PKD1: variants seen among roughly 807,000 people sequenced by gnomAD.
PKD1 encodes the protein polycystin-1.
In PKD1, 81 loss-of-function variants were observed where a neutral mutation model predicts 361.7. The observed-to-expected ratio is 0.22, with a 90% CI of 0.19 to 0.27. The LOEUF (loss-of-function observed/expected upper bound fraction) is 0.27. Among genes scored for constraint, PKD1 ranks in the 10% least tolerant of loss-of-function variants. PKD1 has a pLI of 1.00. For synonymous variants in PKD1, 3,615 were observed against 2,818.3 expected, an observed-to-expected ratio of 1.28 and a Z score of -8.95; for missense variants, 6,399 against 6,118.3, an observed-to-expected ratio of 1.05 and a Z score of -1.53.
Position 2,092,166 on chromosome 16 carries a change from G to A in PKD1, c.11292C>T (p.Gly3764=), listed in dbSNP as rs553713361. ...CGGCCGAGCACGTGTGGACCCTGGG[G>A]CCGGGAGGGTCTGGGTAGAGTGCTG... ...LQEALYPDPP[G]PRVHTCSAAG... The change falls in exon 40 of 46, where the codon GGC becomes GGT. Residue 3764 remains glycine (G), a synonymous_variant. Coordinates refer to ENST00000262304, the MANE Select transcript of PKD1 (RefSeq NM_001009944.3). 2.5e-6 allele frequency: 4 copies of A among 1,609,820 alleles called. No homozygotes were observed. Among genetic ancestry groups the A allele is most frequent in the African/African-American group, 1.3e-5 (1 of 74,910 alleles).
At chr16:2,091,689 C>A in intron 41 of PKD1, 92 bp from the exon 42 acceptor site, 1 of 1,566,220 alleles carries the variant, frequency 6.4e-7, no homozygotes, top group Non-Finnish European at 8.6e-7. Context: ...GCTGTGGAAG[C>A]CGCCTAGGCC....
In PKD1 at chr16:2,123,204, C is replaced by A. The variant is rs1188831844; in HGVS notation, c.216-3826G>T. 3.3e-5 allele frequency among the ~76,000 whole-genome samples: 5 copies of A among 152,310 alleles called. No individual in the cohort carries two copies. The East Asian group carries it at 9.7e-4, about 29-fold the overall frequency. ...GCTCCAGGCTGGCTCCTTCTCCCGGCCCTCACCCCAGCCCAAGGCCCAGAA... is the reference window on the plus strand; with the variant it reads ...GCTCCAGGCTGGCTCCTTCTCCCGGACCTCACCCCAGCCCAAGGCCCAGAA... On this transcript the variant is annotated intron_variant, in intron 1 of 45. Transcript: ENST00000262304.
Position 2,090,502 on chromosome 16 carries a change from G to C in PKD1, c.12227C>G (p.Pro4076Arg), listed in dbSNP as rs962084505. 6.2e-7 allele frequency: 1 copy of C among 1,611,482 alleles called. No individual in the cohort carries two copies. The highest frequency in any genetic ancestry group is 8.5e-7 in the Non-Finnish European group (1 of 1,179,538). Residue 4076 changes from proline (P) to arginine (R), a missense_variant, in exon 45 of 46, where the codon CCT (proline) becomes CGT (arginine). Physicochemically the swap from Pro to Arg is moderately radical, Grantham distance 103. Coordinates refer to ENST00000262304, the MANE Select transcript of PKD1 (RefSeq NM_001009944.3). ...GGGTGACAGGTGCCAGGACTCGGCA[G>C]GACACAGGGTAGAGAGCCCAGTCCC... ...CPGTGLSTLC[P>R]AESWHLSPLL...
In PKD1 at chr16:2,092,224, C is replaced by T. The variant is rs755967120; in HGVS notation, c.11270-36G>A. On this transcript the variant is annotated intron_variant, in intron 39 of 45. Transcript: ENST00000262304. The stretch of plus-strand genomic sequence containing the variant: ...CAGAGCCCCAGGCCGGGGCCAGGGC[C>T]TCATCAAAACCCAACAGGAGTGTTT... 1.4e-5 allele frequency: 21 copies of T among 1,551,658 alleles called. No homozygotes were observed. In the African/African-American group the frequency reaches 2.3e-4, roughly 17 times the overall value.
Position 2,117,547 on chromosome 16 carries a change from C to T in PKD1, c.1327G>A (p.Ala443Thr), listed in dbSNP as rs3893752. The T allele has an allele frequency of 4.4e-6, 7 of 1,599,006 alleles. No individual in the cohort carries two copies. The highest frequency in any genetic ancestry group is 1.3e-5 in the African/African-American group (1 of 74,582). ...QEQCQAWAGAALAMVDSPAVQ... is the reference protein window; with the variant it reads ...QEQCQAWAGATLAMVDSPAVQ... Reference sequence around the variant, plus strand: ...GCGGGACTGTCCACCATTGCCAGGGCGGCCCCGGCCCAGGCCTGACACTGC... The same window carrying T: ...GCGGGACTGTCCACCATTGCCAGGGTGGCCCCGGCCCAGGCCTGACACTGC... The change falls in exon 6 of 46, where the codon GCC becomes ACC. Residue 443 changes from alanine to threonine, a missense_variant. By Grantham distance (58) the Ala-to-Thr change is moderately conservative. Coordinates refer to ENST00000262304, the MANE Select transcript of PKD1 (RefSeq NM_001009944.3).
At chr16:2,099,283 G>A (rs1157447939) in intron 30 of PKD1, 1 of 364,182 alleles carries the variant, frequency 2.7e-6, no homozygotes, top group South Asian at 2.1e-5. Flanking sequence ...ACGTTTCTAA[G>A]GGACTAACTC....
rs774553953 is a variant in PKD1 at position 2,110,853 on chromosome 16, T to C, written c.4314A>G (p.Pro1438=). The C allele has an allele frequency of 3.7e-6, 6 of 1,611,706 alleles. No homozygotes were observed. The Admixed American group carries it at 8.3e-5, about 22-fold the overall frequency. The stretch of plus-strand genomic sequence containing the variant: ...CGGTGACTGTCACAAGATAGGAGCC[T>C]GGGTCTCGGTAGATGAACGTCACCT... ...GPEVTFIYRD[P]GSYLVTVTAS... is the part of the protein sequence containing the mutation. Residue 1438 remains proline (P), a synonymous_variant, in exon 15 of 46, where the codon CCA becomes CCG. Coordinates refer to ENST00000262304, the MANE Select transcript of PKD1 (RefSeq NM_001009944.3).
intron 16 of PKD1, chr16:2,107,397 C>G (rs554688583): frequency 1.6e-4 from 59 of 363,170 alleles, no homozygotes; most frequent in South Asian, 1.3e-3. Flanking sequence ...CTGGGAAGAC[C>G]CCCAATCAGG....
Position 2,093,093 on chromosome 16 carries a change from T to C in PKD1, c.11017A>G (p.Ser3673Gly). Residue 3673 changes from serine (S) to glycine (G), a missense_variant and splice_region_variant, in exon 38 of 46, where the codon AGC becomes GGC. Ser to Gly is a moderately conservative substitution (Grantham distance 56). Coordinates refer to ENST00000262304, the MANE Select transcript of PKD1 (RefSeq NM_001009944.3). ...AGAAAAAGCATGTACACCAGGAGGC[T>C]CTGGTGGACGGGGGGGCCCTGTGGT... Reference protein sequence around the residue: ...KVKRLHGMLRSLLVYMLFLLV... With the variant: ...KVKRLHGMLRGLLVYMLFLLV... 6.2e-7 allele frequency: 1 copy of C among 1,612,438 alleles called. No homozygotes were observed. Among genetic ancestry groups the C allele is most frequent in the Non-Finnish European group, 8.5e-7 (1 of 1,179,934 alleles).
At position 2,093,720 on chromosome 16, in the gene PKD1, A is replaced by G. The variant is rs2041022800; in HGVS notation, c.10840T>C (p.Tyr3614His). Residue 3614 changes from tyrosine to histidine, a missense_variant, in exon 37 of 46, where the codon TAC becomes CAC. Physicochemically the swap from Tyr to His is moderately conservative, Grantham distance 83. Transcript: ENST00000262304. ...AGCCGCTTGGCCACCAGTGAGAAGT[A>G]CAGGGCTTCCAGCAAGACCTGGGGA... ...EPLKVLLEAL[Y>H]FSLVAKRLHP... The G allele has an allele frequency of 6.3e-7, 1 of 1,590,574 alleles. No individual in the cohort carries two copies. Among genetic ancestry groups the G allele is most frequent in the African/African-American group, 1.3e-5 (1 of 74,386 alleles).
chr16:2,097,720 G>A lies in PKD1; in HGVS notation c.10220+8C>T, dbSNP rs1159907500. The A allele has an allele frequency of 1.9e-6, 3 of 1,610,816 alleles. No homozygotes were observed. The highest frequency in any genetic ancestry group is 1.1e-5 in the South Asian group (1 of 90,992). ...CACCAGGGCTCGAGGTTTCTCTAGGGAACCCACCTCTTAGAATCATCCAGA... is the reference window on the plus strand; with the variant it reads ...CACCAGGGCTCGAGGTTTCTCTAGGAAACCCACCTCTTAGAATCATCCAGA... On this transcript the variant is annotated splice_region_variant and intron_variant, in intron 32 of 45. Transcript: ENST00000262304.
rs575782294 is a variant in PKD1 at position 2,090,611 on chromosome 16, G to A, written c.12139-21C>T. On this transcript the variant is annotated intron_variant, in intron 44 of 45. Coordinates refer to ENST00000262304, the MANE Select transcript of PKD1 (RefSeq NM_001009944.3). ...ACGAGCTGCGGGGAAGGCGACACCA[G>A]TGAGGGCGTACAGCTGAGCTGAGCT... is the stretch of plus-strand genomic sequence containing the variant. 12 of 1,608,776 alleles carry A rather than the reference G, an allele frequency of 7.5e-6. No individual in the cohort carries two copies. In the African/African-American group the frequency reaches 8.0e-5, roughly 11 times the overall value.
chr16:2,113,644 G>A, intron 11 of PKD1: 1 of 417,022 alleles, frequency 2.4e-6, no homozygotes, highest in South Asian at 2.3e-5. Context: ...GAGCAGTGAG[G>A]GGAGGCACCT....
At chr16:2,101,587 C>T (rs2092099038) in intron 26 of PKD1, among the ~76,000 whole-genome samples, 1 of 152,206 alleles carries the variant, frequency 6.6e-6, no homozygotes, top group Non-Finnish European at 1.5e-5. Flanking sequence ...CATTGCACTC[C>T]AGCCTGGGCA....
chr16:2,130,076 T>G (rs576403385), intron 1 of PKD1, among the ~76,000 whole-genome samples: 1 of 152,296 alleles, frequency 6.6e-6, no homozygotes, highest in South Asian at 2.1e-4. Flanking sequence ...AGCGTGTGAC[T>G]TCTTGTCCAC....
At position 2,111,615 on chromosome 16, in the gene PKD1, C is replaced by T. The variant is rs375921287; in HGVS notation, c.3552G>A (p.Arg1184=). Residue 1184 remains arginine, a synonymous_variant, in exon 15 of 46, where the codon AGG becomes AGA. Transcript: ENST00000262304. The part of the protein sequence containing the change: ...QPAANHTYAS[R]GTYHVRLEVN... ...CCTCCAGGCGCACGTGGTAGGTGCC[C>T]CTCGAGGCATAGGTGTGGTTGGCAG... is the stretch of plus-strand genomic sequence containing the variant. 5 of 1,574,178 alleles carry T rather than the reference C, an allele frequency of 3.2e-6. No individual in the cohort carries two copies. The highest frequency in any genetic ancestry group is 4.5e-4 in the Middle Eastern group (2 of 4,426).
chr16:2,127,867 G>A (rs1418787244), intron 1 of PKD1, among the ~76,000 whole-genome samples: 1 of 146,558 alleles, frequency 6.8e-6, no homozygotes, highest in Non-Finnish European at 1.5e-5. Context: ...AAACTGAACA[G>A]GAAACTAGAG....
At chr16:2,120,573 G>C (rs1301010031) in intron 1 of PKD1, among the ~76,000 whole-genome samples, 1 of 152,200 alleles carries the variant, frequency 6.6e-6, no homozygotes, top group Admixed American at 6.5e-5. Flanking sequence ...ATGGTAGTGT[G>C]TAACTGTAGT....
intron 20 of PKD1, 59 bp downstream of exon 20, chr16:2,105,806 G>A (rs1474446634): frequency 6.5e-7 from 1 of 1,533,558 alleles, no homozygotes; most frequent in Non-Finnish European, 8.9e-7. Flanking sequence ...CAGGGGTACA[G>A]GTCTTGGTCC....
Sources: gnomAD v4.1 joint callset for allele counts (sites outside exome capture counted in the v4.1 genomes callset) on GRCh38, gnomAD v4.1.1 for gene constraint, MANE v1.5 for transcripts, NCBI Gene and HGNC (gene_info 2026-07-23, HGNC 2026-07-21) for gene names.